The following ANKRD12 variants were observed in gnomAD, a reference collection of about 807,000 sequenced individuals.
The protein encoded by ANKRD12 is ankyrin repeat domain 12, also known as ankyrin repeat domain-containing protein 12.
Under a neutral mutation model 183.4 loss-of-function variants are expected in ANKRD12, and 85 were observed. That is an observed-to-expected ratio of 0.46 (90% CI 0.39 to 0.56). The LOEUF (loss-of-function observed/expected upper bound fraction) is 0.56, where lower values mean the gene tolerates loss of function less well. Ranked by LOEUF, ANKRD12 falls within the 20% of genes least tolerant of loss-of-function variation. ANKRD12 has a pLI of 0.00. For missense variants in ANKRD12, 2,405 were observed against 2,357.1 expected (o/e 1.02, Z -0.42); for synonymous variants, 914 against 800.2 (o/e 1.14, Z -2.40).
Position 9,256,955 on chromosome 18 carries a change from G to C in ANKRD12, c.3688G>C (p.Asp1230His). 6.2e-7 allele frequency: 1 copy of C among 1,614,076 alleles called. No homozygotes were observed. Among genetic ancestry groups the C allele is most frequent in the Non-Finnish European group, 8.5e-7 (1 of 1,179,988 alleles). ...VTTPRPPVEY[D>H]SDFMLESSES... ...AACCCCAAGGCCTCCAGTTGAGTAT[G>C]ACTCTGACTTTATGTTAGAGAGTTC... Residue 1230 changes from aspartate (D) to histidine (H), a missense_variant, in exon 9 of 13, where the codon GAC becomes CAC. Asp to His is a moderately conservative substitution (Grantham distance 81). This residue lies in a region of ANKRD12 where 1,983 missense variants were observed against 1,725.9 expected (regional missense o/e 1.15). Coordinates refer to ENST00000262126, the MANE Select transcript of ANKRD12 (RefSeq NM_015208.5).
At chr18:9,264,228 A>G (rs532817651) in intron 10 of ANKRD12, among the ~76,000 whole-genome samples, 1 of 152,334 alleles carries the variant, frequency 6.6e-6, no homozygotes, top group African/African-American at 2.4e-5. Flanking sequence ...TTTTAAGGCA[A>G]AAGGGCAAAA....
chr18:9,253,765 C>G (rs975938828), intron 8 of ANKRD12, among the ~76,000 whole-genome samples: 3 of 152,166 alleles, frequency 2.0e-5, no homozygotes, highest in Non-Finnish European at 4.4e-5. Context: ...AACCCTTGTA[C>G]ACTGTTGGTG....
chr18:9,186,210 G>T (rs2034051494), intron 2 of ANKRD12, among the ~76,000 whole-genome samples: 2 of 148,682 alleles, frequency 1.3e-5, no homozygotes, highest in Non-Finnish European at 3.0e-5. Flanking sequence ...GCGCGAAAAA[G>T]TGTGATTTCT....
intron 2 of ANKRD12, among the ~76,000 whole-genome samples, chr18:9,189,265 T>C (rs2144305250): frequency 6.6e-6 from 1 of 152,280 alleles, no homozygotes. Flanking sequence ...CTGTGAAGGC[T>C]GAGAGAGGTT....
chr18:9,161,768 T>C (rs9748523), intron 1 of ANKRD12, among the ~76,000 whole-genome samples: 1 of 147,328 alleles, frequency 6.8e-6, no homozygotes, highest in African/African-American at 2.5e-5. Flanking sequence ...ATATATAAAA[T>C]ATATATATAT....
At chr18:9,158,213 C>G (rs547878025) in intron 1 of ANKRD12, among the ~76,000 whole-genome samples, 186 of 152,218 alleles carry the variant, frequency 1.2e-3, no homozygotes, top group African/African-American at 4.3e-3. Context: ...TACCAGTTGC[C>G]TCTATTAACA....
intron 3 of ANKRD12, among the ~76,000 whole-genome samples, chr18:9,198,726 T>G (rs2034993336): frequency 6.6e-6 from 1 of 151,904 alleles, no homozygotes. Flanking sequence ...ATTTTCATAT[T>G]TTTAGTAGAG....
At chr18:9,186,288 A>G (rs912424924) in intron 2 of ANKRD12, among the ~76,000 whole-genome samples, 2 of 152,192 alleles carry the variant, frequency 1.3e-5, no homozygotes, top group African/African-American at 2.4e-5. Flanking sequence ...AACATTCCCT[A>G]GGTAAGTTAA....
At chr18:9,223,517 G>A (rs1340691976) in intron 8 of ANKRD12, among the ~76,000 whole-genome samples, 1 of 151,892 alleles carries the variant, frequency 6.6e-6, no homozygotes, top group African/African-American at 2.4e-5. Flanking sequence ...CAGTATTGAC[G>A]TTAGACAAAG....
At position 9,221,903 on chromosome 18, in the gene ANKRD12, C is replaced by T. The variant is rs766405794; in HGVS notation, c.847C>T (p.His283Tyr). Residue 283 changes from histidine to tyrosine, a missense_variant, in exon 8 of 13, where the codon CAT (histidine) becomes TAT (tyrosine). Physicochemically the swap from His to Tyr is moderately conservative, Grantham distance 83 (BLOSUM62 2). Coordinates refer to ENST00000262126, the MANE Select transcript of ANKRD12 (RefSeq NM_015208.5). ...TGGAAATCCATTTCAAGCTAATAAA[C>T]ATGGGGAGCGTCCAGTGGATGTAGC... ...HGGNPFQANK[H>Y]GERPVDVAET... 2 of 1,613,946 alleles carry T rather than the reference C, an allele frequency of 1.2e-6. No individual in the cohort carries two copies. The highest frequency in any genetic ancestry group is 1.7e-6 in the Non-Finnish European group (2 of 1,179,922).
intron 8 of ANKRD12, among the ~76,000 whole-genome samples, chr18:9,224,093 A>C (rs188947444): frequency 6.6e-6 from 1 of 152,246 alleles, no homozygotes; most frequent in Admixed American, 6.5e-5. Context: ...TGCTTTTCTG[A>C]CAAGATTAAC....
chr18:9,196,873 T>C lies in ANKRD12; in HGVS notation c.235+1175T>C, dbSNP rs144110909. 1.1e-4 allele frequency among the ~76,000 whole-genome samples: 16 copies of C among 152,192 alleles called. No individual in the cohort carries two copies. The East Asian group carries it at 2.9e-3, about 28-fold the overall frequency. On this transcript the variant is annotated intron_variant, in intron 3 of 12. Transcript: ENST00000262126. ...TTTTTTCCCCCCGAAGCATCCTAAG[T>C]GATACTCTCAAGCTAATTACTGGAT...
Position 9,255,396 on chromosome 18 carries a change from T to C in ANKRD12, c.2129T>C (p.Phe710Ser), listed in dbSNP as rs1394651661. ...FFKSDETEDL[F>S]LNMEHESLTL... ...AAAAGTGATGAAACTGAAGATCTCT[T>C]TTTAAATATGGAACATGAATCCTTA... Residue 710 changes from phenylalanine (F) to serine (S), a missense_variant, in exon 9 of 13, where the codon TTT (phenylalanine) becomes TCT (serine). Phe to Ser is a radical substitution (Grantham distance 155). This residue lies in a region of ANKRD12 where 1,983 missense variants were observed against 1,725.9 expected (regional missense o/e 1.15). Transcript: ENST00000262126. 3.8e-6 allele frequency: 6 copies of C among 1,590,528 alleles called. No individual in the cohort carries two copies. In the African/African-American group the frequency reaches 6.8e-5, roughly 18 times the overall value.
chr18:9,226,297 T>A (rs1476125556), intron 8 of ANKRD12, among the ~76,000 whole-genome samples: 2 of 151,984 alleles, frequency 1.3e-5, no homozygotes, highest in African/African-American at 4.8e-5. Flanking sequence ...TGGTGGTGCG[T>A]GCCTGTAGTC....
intron 1 of ANKRD12, among the ~76,000 whole-genome samples, chr18:9,150,083 C>T (rs1218031743): frequency 6.6e-6 from 1 of 152,104 alleles, no homozygotes; most frequent in Non-Finnish European, 1.5e-5. Flanking sequence ...AGTGAACCAT[C>T]GTGCCTGGCC....
chr18:9,251,882 T>G (rs1172541378), intron 8 of ANKRD12, among the ~76,000 whole-genome samples: 2 of 152,260 alleles, frequency 1.3e-5, no homozygotes, highest in African/African-American at 4.8e-5. Flanking sequence ...TCCTTCCTGG[T>G]TTCCCAAATA....
intron 1 of ANKRD12, among the ~76,000 whole-genome samples, chr18:9,137,406 G>T (rs545108124): frequency 0.063 from 9,209 of 146,524 alleles, 313 homozygotes; most frequent in Non-Finnish European, 0.079. Flanking sequence ...AACATGGCGG[G>T]GCCGGAGGAG....
At chr18:9,192,695 C>CA (rs1555616924) in intron 2 of ANKRD12, among the ~76,000 whole-genome samples, 4 of 126,796 alleles carry the variant, frequency 3.2e-5, no homozygotes, top group South Asian at 3.3e-4. Flanking sequence ...ATGGATTTAT[C>CA]TTTTTTTTTC....
intron 2 of ANKRD12, among the ~76,000 whole-genome samples, chr18:9,182,928 G>A (rs1219919979): frequency 6.6e-6 from 1 of 151,786 alleles, no homozygotes; most frequent in Non-Finnish European, 1.5e-5. Flanking sequence ...CCTTATCTCT[G>A]GTTTTATACA....
Sources: allele counts gnomAD v4.1 joint callset (sites outside exome capture counted in the v4.1 genomes callset), GRCh38; gene constraint gnomAD v4.1.1; regional missense constraint gnomAD v4.1.1; transcripts MANE v1.5; gene names NCBI Gene and HGNC (gene_info 2026-07-23, HGNC 2026-07-21).